SKAP1: variants seen among roughly 807,000 people sequenced by gnomAD.
SKAP1 encodes the protein src kinase associated phosphoprotein 1.
A neutral mutation model predicts 58.5 loss-of-function variants in SKAP1; 44 were observed. That is an observed-to-expected ratio of 0.75 (90% CI 0.59 to 0.97). The LOEUF (loss-of-function observed/expected upper bound fraction) is 0.97, where lower values mean the gene tolerates loss of function less well. Among genes scored for constraint, SKAP1 ranks in the 50% least tolerant of loss-of-function variants. The pLI is 0.00. For missense variants in SKAP1, 390 were observed against 435.2 expected, an observed-to-expected ratio of 0.90 and a Z score of 0.92; for synonymous variants, 127 against 149.7, an observed-to-expected ratio of 0.85 and a Z score of 1.11.
At chr17:48,138,662 G>A (rs1025731096) in intron 11 of SKAP1, among the ~76,000 whole-genome samples, 3 of 151,958 alleles carry the variant, frequency 2.0e-5, no homozygotes, top group Non-Finnish European at 4.4e-5. Context: ...GAGCCACTGC[G>A]CCTGGCCACA....
At chr17:48,187,693 G>T in intron 6 of SKAP1, 150 bp downstream of exon 6, 1 of 561,732 alleles carries the variant, frequency 1.8e-6, no homozygotes, top group Non-Finnish European at 3.2e-6. Flanking sequence ...GATGGGCAAG[G>T]TATTATTTGT....
At chr17:48,341,537 A>G (rs573575141) in intron 4 of SKAP1, among the ~76,000 whole-genome samples, 112 of 152,334 alleles carry the variant, frequency 7.4e-4, no homozygotes, top group African/African-American at 2.5e-3. Context: ...TTTTATTTCC[A>G]GAATATTCTC....
intron 1 of SKAP1, among the ~76,000 whole-genome samples, chr17:48,407,889 G>A (rs1195343432): frequency 1.3e-5 from 2 of 149,226 alleles, no homozygotes; most frequent in African/African-American, 4.9e-5. Flanking sequence ...ATATATAAAT[G>A]CTACATAAGT....
At chr17:48,233,706 A>G (rs532306497) in intron 4 of SKAP1, among the ~76,000 whole-genome samples, 2 of 152,206 alleles carry the variant, frequency 1.3e-5, no homozygotes, top group South Asian at 4.1e-4. Flanking sequence ...CATACAAAAA[A>G]TTAGCCGGGC....
intron 4 of SKAP1, among the ~76,000 whole-genome samples, chr17:48,218,560 T>G (rs1471915726): frequency 6.6e-6 from 1 of 152,220 alleles, no homozygotes; most frequent in Non-Finnish European, 1.5e-5. Flanking sequence ...AATTCTAAAT[T>G]TAAACACTGC....
chr17:48,171,097 T>TTTG (rs2064207864), intron 9 of SKAP1, among the ~76,000 whole-genome samples: 1 of 143,506 alleles, frequency 7.0e-6, no homozygotes, highest in South Asian at 2.3e-4. Context: ...ACTGTTGTTT[T>TTTG]TTTTTTTTTT....
intron 4 of SKAP1, among the ~76,000 whole-genome samples, chr17:48,277,838 C>T (rs111596813): frequency 8.2e-4 from 124 of 152,136 alleles, no homozygotes; most frequent in African/African-American, 3.0e-3. Flanking sequence ...GTGATCCTCC[C>T]CTCACCTCGG....
intron 1 of SKAP1, among the ~76,000 whole-genome samples, chr17:48,414,903 C>T (rs1386954252): frequency 6.6e-6 from 1 of 152,188 alleles, no homozygotes; most frequent in Non-Finnish European, 1.5e-5. Context: ...CACAAAGCTG[C>T]TCTTCTGTTT....
chr17:48,144,644 C>T (rs1175725585), intron 11 of SKAP1, among the ~76,000 whole-genome samples: 8 of 152,302 alleles, frequency 5.3e-5, no homozygotes, highest in Admixed American at 5.2e-4. Context: ...AGTACTGGCT[C>T]AGTCAGGCAG....
At chr17:48,203,374 G>C (rs1043269514) in intron 4 of SKAP1, among the ~76,000 whole-genome samples, 1 of 152,220 alleles carries the variant, frequency 6.6e-6, no homozygotes, top group African/African-American at 2.4e-5. Flanking sequence ...ACTTGGTATA[G>C]ACGGATGAAA....
At position 48,243,109 on chromosome 17, in the gene SKAP1, C is replaced by T. The variant is rs140170482; in HGVS notation, c.281-53609G>A. Reference sequence around the variant, plus strand: ...GTGATGTAAAATGTAACTCGTCACACACTATTACCTTCCAGTCTTTAGGTA... The same window carrying T: ...GTGATGTAAAATGTAACTCGTCACATACTATTACCTTCCAGTCTTTAGGTA... On this transcript the variant is annotated intron_variant, in intron 4 of 12. Coordinates refer to ENST00000336915, the MANE Select transcript of SKAP1 (RefSeq NM_003726.4). Among the ~76,000 whole-genome samples, 629 of 152,328 alleles carry T rather than the reference C, an allele frequency of 4.1e-3. 9 individuals are homozygous for T. The highest frequency in any genetic ancestry group is 0.014 in the African/African-American group (577 of 41,564).
intron 4 of SKAP1, among the ~76,000 whole-genome samples, chr17:48,221,412 A>G (rs1450122444): frequency 6.6e-6 from 1 of 152,218 alleles, no homozygotes; most frequent in Non-Finnish European, 1.5e-5. Flanking sequence ...AACTTCTGAA[A>G]CACTAGGAAA....
the SKAP1 span, among the ~76,000 whole-genome samples, chr17:48,439,803 A>C: frequency 2.6e-5 from 4 of 152,220 alleles, no homozygotes; most frequent in Admixed American, 2.0e-4. Context: ...CAGAGAAAAA[A>C]TGAGATGCAC....
intron 9 of SKAP1, among the ~76,000 whole-genome samples, chr17:48,177,105 G>GT (rs945231440): frequency 2.6e-5 from 4 of 152,184 alleles, no homozygotes; most frequent in East Asian, 3.8e-4. Flanking sequence ...CCTCCACCCA[G>GT]CACCTGGCCT....
intron 4 of SKAP1, among the ~76,000 whole-genome samples, chr17:48,192,366 T>A (rs1231684239): frequency 6.6e-6 from 1 of 152,120 alleles, no homozygotes; most frequent in East Asian, 1.9e-4. Flanking sequence ...AGAGTCTGAA[T>A]CATAAAAGAC....
At chr17:48,254,793 A>G (rs1426192417) in intron 4 of SKAP1, among the ~76,000 whole-genome samples, 1 of 151,890 alleles carries the variant, frequency 6.6e-6, no homozygotes, top group East Asian at 1.9e-4. Context: ...ACCTAGAAAT[A>G]CCATAAAATT....
the SKAP1 span, among the ~76,000 whole-genome samples, chr17:48,438,153 T>C: frequency 6.6e-6 from 1 of 152,208 alleles, no homozygotes; most frequent in African/African-American, 2.4e-5. Context: ...CTGCCACCGC[T>C]TGCTGTGACC....
At chr17:48,359,347 T>TA (rs1186035470) in intron 3 of SKAP1, among the ~76,000 whole-genome samples, 1 of 152,128 alleles carries the variant, frequency 6.6e-6, no homozygotes, top group Non-Finnish European at 1.5e-5. Context: ...GAACTGTTTT[T>TA]AAAAAAATTA....
At chr17:48,423,499 A>G (rs1221797183) in intron 1 of SKAP1, among the ~76,000 whole-genome samples, 1 of 152,188 alleles carries the variant, frequency 6.6e-6, no homozygotes, top group Admixed American at 6.5e-5. Context: ...ATCATCAACT[A>G]CCAGGACTTT....
Sources: allele counts gnomAD v4.1 joint callset (sites outside exome capture counted in the v4.1 genomes callset), GRCh38; gene constraint gnomAD v4.1.1; transcripts MANE v1.5; gene names NCBI Gene and HGNC (gene_info 2026-07-23, HGNC 2026-07-21).